The following KCNIP4 variants were observed in gnomAD, a reference collection of about 807,000 sequenced individuals.
KCNIP4 encodes potassium voltage-gated channel interacting protein 4, also known as Kv channel-interacting protein 4.
Under a neutral mutation model 34.0 loss-of-function variants are expected in KCNIP4, and 12 were observed. That is an observed-to-expected ratio of 0.35 (90% CI 0.23 to 0.57). The LOEUF is 0.57. KCNIP4 is among the 20% of genes least tolerant of loss of function. The pLI, the probability that KCNIP4 is intolerant of heterozygous loss-of-function variation, is 0.83. For synonymous variants in KCNIP4, 124 were observed against 102.2 expected, an observed-to-expected ratio of 1.21 and a Z score of -1.29; for missense variants, 238 against 311.7, an observed-to-expected ratio of 0.76 and a Z score of 1.78.
At chr4:21,766,261 TGCACTTG>T (rs1385370511) in intron 1 of KCNIP4, among the ~76,000 whole-genome samples, 1 of 152,192 alleles carries the variant, frequency 6.6e-6, no homozygotes, top group Non-Finnish European at 1.5e-5. Context: ...AAGGTAGCAC[TGCACTTG>T]GCGTATACCG....
chr4:21,303,571 A>C (rs1712001188), intron 1 of KCNIP4, among the ~76,000 whole-genome samples: 1 of 152,186 alleles, frequency 6.6e-6, no homozygotes, highest in Non-Finnish European at 1.5e-5. Flanking sequence ...TTTTGTTCTG[A>C]CATTTTTGAT....
chr4:21,034,922 A>G (rs969931706), intron 1 of KCNIP4, among the ~76,000 whole-genome samples: 29 of 152,266 alleles, frequency 1.9e-4, no homozygotes, highest in Non-Finnish European at 4.0e-4. Flanking sequence ...TAGGGTATGG[A>G]TCACTGACAG....
rs116456790 is a variant in KCNIP4, at chr4:21,360,284, T to C, written c.62-477575A>G. The stretch of plus-strand genomic sequence containing the variant: ...TTTTGATAAATTATCCATTATATTC[T>C]ATTTGTGAATGTATTAGAAAATTAA... On this transcript the variant is annotated intron_variant, in intron 1 of 8. Transcript: ENST00000382152. Among the ~76,000 whole-genome samples the C allele has an allele frequency of 5.1e-3, 782 of 152,244 alleles. 6 individuals carry two copies. The highest frequency in any genetic ancestry group is 0.018 in the African/African-American group (732 of 41,574).
At chr4:21,934,320 C>G (rs1437592536) in intron 1 of KCNIP4, among the ~76,000 whole-genome samples, 1 of 151,986 alleles carries the variant, frequency 6.6e-6, no homozygotes, top group Non-Finnish European at 1.5e-5. Context: ...TCCTTCAACT[C>G]AAGCTCAGGG....
chr4:21,237,388 A>C (rs905438916), intron 1 of KCNIP4, among the ~76,000 whole-genome samples: 1 of 152,194 alleles, frequency 6.6e-6, no homozygotes, highest in African/African-American at 2.4e-5. Context: ...ATAACATAAT[A>C]ATGTAATTTT....
chr4:20,865,086 T>C (rs1215671895), intron 2 of KCNIP4, among the ~76,000 whole-genome samples: 1 of 152,064 alleles, frequency 6.6e-6, no homozygotes, highest in South Asian at 2.1e-4. Context: ...TGTATAAATA[T>C]TGTCACCCTG....
At chr4:21,352,693 G>A (rs1484026596) in intron 1 of KCNIP4, among the ~76,000 whole-genome samples, 2 of 152,242 alleles carry the variant, frequency 1.3e-5, no homozygotes, top group Admixed American at 6.5e-5. Flanking sequence ...CACCTCTGTG[G>A]ACAGGGCATA....
chr4:20,871,701 A>C (rs1001042761), intron 2 of KCNIP4, among the ~76,000 whole-genome samples: 1 of 152,130 alleles, frequency 6.6e-6, no homozygotes, highest in Non-Finnish European at 1.5e-5. Flanking sequence ...CATGGTCTTT[A>C]CATATTCTTC....
chr4:20,760,461 CAGTT>C lies in KCNIP4; in HGVS notation c.289-1575_289-1572del, dbSNP rs140202353. 2.8e-3 allele frequency among the ~76,000 whole-genome samples: 425 copies of C among 152,244 alleles called. 4 individuals carry two copies. Among genetic ancestry groups the C allele is most frequent in the African/African-American group, 9.8e-3 (409 of 41,534 alleles). ...ACTTACTTTCTTTATTCCAGTGAGT[CAGTT>C]ACTCAACTGTAATGTGCTTCACCTG... On this transcript the variant is annotated intron_variant, in intron 3 of 8. Transcript: ENST00000382152.
intron 1 of KCNIP4, among the ~76,000 whole-genome samples, chr4:21,107,375 T>G (rs1748661428): frequency 6.8e-6 from 1 of 147,584 alleles, no homozygotes; most frequent in Admixed American, 6.7e-5. Flanking sequence ...TCTCTTTTGA[T>G]CTTTGCTGGT....
chr4:21,502,429 T>C (rs1733443968), intron 1 of KCNIP4, among the ~76,000 whole-genome samples: 1 of 152,094 alleles, frequency 6.6e-6, no homozygotes, highest in African/African-American at 2.4e-5. Flanking sequence ...AAAAGAGAGA[T>C]GTCAAACAAT....
At chr4:21,168,441 G>T (rs1327211991) in intron 1 of KCNIP4, among the ~76,000 whole-genome samples, 1 of 152,056 alleles carries the variant, frequency 6.6e-6, no homozygotes, top group African/African-American at 2.4e-5. Flanking sequence ...ATCCATACCT[G>T]GAAAAGTTTC....
chr4:21,761,103 C>T (rs1718018456), intron 1 of KCNIP4, among the ~76,000 whole-genome samples: 1 of 151,952 alleles, frequency 6.6e-6, no homozygotes, highest in Non-Finnish European at 1.5e-5. Flanking sequence ...TTAAGAACAT[C>T]CTCTAATAAT....
At chr4:21,049,790 C>T (rs998241392) in intron 1 of KCNIP4, among the ~76,000 whole-genome samples, 1 of 152,218 alleles carries the variant, frequency 6.6e-6, no homozygotes, top group African/African-American at 2.4e-5. Context: ...CCTTCCACTC[C>T]AGGTGGCAAT....
chr4:21,730,182 A>G (rs1295311402), intron 1 of KCNIP4: 1 of 152,228 alleles, frequency 6.6e-6, no homozygotes, highest in Non-Finnish European at 1.5e-5. Context: ...TGAATAAAAT[A>G]AAATAAGTGC....
chr4:21,501,895 C>T (rs1577474589), intron 1 of KCNIP4, among the ~76,000 whole-genome samples: 1 of 145,188 alleles, frequency 6.9e-6, no homozygotes, highest in South Asian at 2.2e-4. Context: ...TTCTCTCTCT[C>T]TCTATCTCTC....
chr4:21,088,711 T>C (rs1746695042), intron 1 of KCNIP4, among the ~76,000 whole-genome samples: 1 of 152,130 alleles, frequency 6.6e-6, no homozygotes, highest in African/African-American at 2.4e-5. Context: ...ATCTTTTGGG[T>C]CTCAGAATCA....
chr4:21,219,543 C>A (rs1352501411), intron 1 of KCNIP4, among the ~76,000 whole-genome samples: 1 of 152,182 alleles, frequency 6.6e-6, no homozygotes, highest in African/African-American at 2.4e-5. Context: ...CTTCACCATT[C>A]ACTAATGGTT....
chr4:21,653,387 T>C (rs1460065279), intron 1 of KCNIP4, among the ~76,000 whole-genome samples: 1 of 152,212 alleles, frequency 6.6e-6, no homozygotes, highest in Non-Finnish European at 1.5e-5. Flanking sequence ...AAATAATTAA[T>C]ATGAGGTACC....
Sources: allele counts gnomAD v4.1 joint callset (sites outside exome capture counted in the v4.1 genomes callset), GRCh38; gene constraint gnomAD v4.1.1; transcripts MANE v1.5; gene names NCBI Gene and HGNC (gene_info 2026-07-23, HGNC 2026-07-21).